The following PPM1L variants were observed in gnomAD, a reference collection of about 807,000 sequenced individuals.
The protein encoded by PPM1L is protein phosphatase, Mg2+/Mn2+ dependent 1L.
In PPM1L, 13 loss-of-function variants were observed where a neutral mutation model predicts 31.4. The ratio of observed to expected loss-of-function variants is 0.41; its 90% confidence interval spans 0.27 to 0.66. The LOEUF (loss-of-function observed/expected upper bound fraction) is 0.66. Among genes scored for constraint, PPM1L ranks in the 30% least tolerant of loss-of-function variants. The probability of loss-of-function intolerance (pLI) is 0.29; values close to 1 mark genes in which losing one functional copy is unlikely to be tolerated. For synonymous variants in PPM1L, 184 were observed against 175.4 expected (o/e 1.05, Z -0.39); for missense variants, 326 against 453.7 (o/e 0.72, Z 2.56).
chr3:160,976,382 G>C (rs1716577740), intron 2 of PPM1L, among the ~76,000 whole-genome samples: 1 of 140,718 alleles, frequency 7.1e-6, no homozygotes, highest in East Asian at 2.1e-4. Context: ...GATGATGCTG[G>C]CCTCATAAAA....
At chr3:160,930,046 G>A (rs1207087393) in intron 1 of PPM1L, among the ~76,000 whole-genome samples, 2 of 152,198 alleles carry the variant, frequency 1.3e-5, no homozygotes, top group Non-Finnish European at 2.9e-5. Context: ...TGAGAAGGGG[G>A]ACACTGTGCT....
At chr3:160,821,399 C>G (rs1713198138) in intron 1 of PPM1L, among the ~76,000 whole-genome samples, 1 of 151,910 alleles carries the variant, frequency 6.6e-6, no homozygotes, top group African/African-American at 2.4e-5. Flanking sequence ...GGTTATGCTG[C>G]CTAACCCTAG....
At chr3:160,848,498 A>G (rs545900007) in intron 1 of PPM1L, among the ~76,000 whole-genome samples, 2 of 152,246 alleles carry the variant, frequency 1.3e-5, no homozygotes, top group African/African-American at 4.8e-5. Context: ...ACATCTTCTT[A>G]TATCAACTAT....
At chr3:160,862,664 A>ACG (rs1164939149) in intron 1 of PPM1L, among the ~76,000 whole-genome samples, 4 of 83,184 alleles carry the variant, frequency 4.8e-5, no homozygotes, top group Non-Finnish European at 1.1e-4. Context: ...AGGCACACGC[A>ACG]CACACACACA....
intron 1 of PPM1L, among the ~76,000 whole-genome samples, chr3:160,910,266 T>TTCCCCG (rs1713920953): frequency 1.0e-5 from 1 of 98,362 alleles, no homozygotes; most frequent in Non-Finnish European, 2.0e-5. Context: ...CCCTTTCCCC[T>TTCCCCG]TCCCCTTCCC....
At position 161,063,776 on chromosome 3, in the gene PPM1L, C is replaced by T. The variant is rs561808017; in HGVS notation, c.575-1627C>T. Among the ~76,000 whole-genome samples, 64 of 152,284 alleles carry T rather than the reference C, an allele frequency of 4.2e-4. 1 individual carries two copies. The South Asian group carries it at 0.011, about 27-fold the overall frequency. ...AAAGACTTGGAACCCATCCAAATGT[C>T]CATCAATGATAGACTGGATAAAGAA... On this transcript the variant is annotated intron_variant, in intron 2 of 3. Coordinates refer to ENST00000498165, the MANE Select transcript of PPM1L (RefSeq NM_139245.4).
intron 1 of PPM1L, among the ~76,000 whole-genome samples, chr3:160,829,664 A>G (rs371332332): frequency 2.6e-5 from 4 of 152,170 alleles, no homozygotes; most frequent in African/African-American, 9.7e-5. Flanking sequence ...CTCATCCTGC[A>G]GGTAGACAGG....
chr3:160,943,335 G>A lies in PPM1L; in HGVS notation c.400-18401G>A, dbSNP rs147968312. Among the ~76,000 whole-genome samples the A allele has an allele frequency of 4.1e-3, 617 of 152,242 alleles. 6 individuals are homozygous for A. The highest frequency in any genetic ancestry group is 0.014 in the African/African-American group (572 of 41,546). The stretch of plus-strand genomic sequence containing the variant: ...GAGAAGTATGTTTTTTCATTTTGAA[G>A]CATTTTCATCAAAAGAGGTTAAAAT... On this transcript the variant is annotated intron_variant, in intron 1 of 3. Coordinates refer to ENST00000498165, the MANE Select transcript of PPM1L (RefSeq NM_139245.4).
chr3:160,814,596 T>C (rs1040062272), intron 1 of PPM1L, among the ~76,000 whole-genome samples: 8 of 125,742 alleles, frequency 6.4e-5, no homozygotes, highest in Admixed American at 5.2e-4. Flanking sequence ...CACACATATG[T>C]ATGTATGTGT....
intron 2 of PPM1L, among the ~76,000 whole-genome samples, chr3:161,038,584 TTAAAAAA>T (rs1288065655): frequency 3.1e-3 from 311 of 100,812 alleles, no homozygotes; most frequent in African/African-American, 0.016. Context: ...GGGATTTGTT[TTAAAAAA>T]AAAAAAAAAA....
chr3:161,002,424 C>T (rs1717527958), intron 2 of PPM1L, among the ~76,000 whole-genome samples: 1 of 152,186 alleles, frequency 6.6e-6, no homozygotes, highest in Non-Finnish European at 1.5e-5. Context: ...CTGTCTTCCA[C>T]AATGGTTGAA....
Position 160,973,819 on chromosome 3 carries a change from AT to A in PPM1L, c.574+11918del, listed in dbSNP as rs570097098. ...AACCAAGACTTGTCTTTATTTTTTT[AT>A]TTTTTTTTGAGAATGATTCTATCTA... On this transcript the variant is annotated intron_variant, in intron 2 of 3. Coordinates refer to ENST00000498165, the MANE Select transcript of PPM1L (RefSeq NM_139245.4). Among the ~76,000 whole-genome samples, 49 of 68,888 alleles carry A rather than the reference AT, an allele frequency of 7.1e-4. 1 individual carries two copies. In the East Asian group the frequency reaches 0.012, roughly 17 times the overall value. The allele number at this position is 68,888 out of a possible 152,430, so 45.2% of individuals were successfully genotyped here.
chr3:161,031,398 C>T (rs1718557641), intron 2 of PPM1L, among the ~76,000 whole-genome samples: 1 of 152,124 alleles, frequency 6.6e-6, no homozygotes, highest in Admixed American at 6.5e-5. Context: ...TTTAGCTAGA[C>T]TGTGAAGCTA....
At chr3:161,015,205 T>C (rs1718046536) in intron 2 of PPM1L, among the ~76,000 whole-genome samples, 1 of 152,162 alleles carries the variant, frequency 6.6e-6, no homozygotes, top group African/African-American at 2.4e-5. Flanking sequence ...AATCATGCGC[T>C]ATCCTTCCTT....
intron 1 of PPM1L, among the ~76,000 whole-genome samples, chr3:160,782,857 T>G (rs2108067688): frequency 6.6e-6 from 1 of 152,370 alleles, no homozygotes; most frequent in East Asian, 1.9e-4. Context: ...TACTTGATTC[T>G]TTGCTCAGTT....
intron 2 of PPM1L, among the ~76,000 whole-genome samples, chr3:161,034,375 A>G (rs1370600621): frequency 2.6e-5 from 4 of 152,218 alleles, no homozygotes; most frequent in African/African-American, 9.6e-5. Flanking sequence ...TCATGCCACT[A>G]TAAAGACACA....
chr3:160,853,630 G>A (rs369876387), intron 1 of PPM1L, among the ~76,000 whole-genome samples: 1 of 152,094 alleles, frequency 6.6e-6, no homozygotes, highest in African/African-American at 2.4e-5. Context: ...TTCACCTGAA[G>A]AGTATTGAAT....
At chr3:160,978,258 T>A (rs973282883) in intron 2 of PPM1L, among the ~76,000 whole-genome samples, 3 of 152,106 alleles carry the variant, frequency 2.0e-5, no homozygotes, top group Non-Finnish European at 2.9e-5. Context: ...AATTTCTGGT[T>A]TATGTAGGCC....
At position 161,069,401 on chromosome 3, in the gene PPM1L, T is replaced by C. The variant is rs941194786; in HGVS notation, c.*244T>C. 1.9e-6 allele frequency: 1 copy of C among 520,252 alleles called. No homozygotes were observed. Among genetic ancestry groups the C allele is most frequent in the African/African-American group, 1.9e-5 (1 of 52,534 alleles). The allele number at this position is 520,252 out of a possible 1,614,324, so 32.2% of individuals were successfully genotyped here. A position where few individuals can be genotyped will look rare whatever the true frequency, so the allele number is the denominator to read the frequency against. On this transcript the variant is annotated 3_prime_UTR_variant, in exon 4 of 4. Coordinates refer to ENST00000498165, the MANE Select transcript of PPM1L (RefSeq NM_139245.4). ...ACTCTTTCATCCAGTGTCCAAAATATATAAGTAAATAGCTGTAGAGTCACA... is the reference window on the plus strand; with the variant it reads ...ACTCTTTCATCCAGTGTCCAAAATACATAAGTAAATAGCTGTAGAGTCACA...
Sources: gnomAD v4.1 joint callset for allele counts (sites outside exome capture counted in the v4.1 genomes callset) on GRCh38, gnomAD v4.1.1 for gene constraint, MANE v1.5 for transcripts, NCBI Gene and HGNC (gene_info 2026-07-23, HGNC 2026-07-21) for gene names.